SUCO: variants seen among roughly 807,000 people sequenced by gnomAD.
SUCO encodes SUN domain-containing ossification factor.
Under a neutral mutation model 148.1 loss-of-function variants are expected in SUCO, and 57 were observed. That is an observed-to-expected ratio of 0.38 (90% confidence interval 0.31 to 0.48). The LOEUF is 0.48. Among genes scored for constraint, SUCO ranks in the 20% least tolerant of loss-of-function variants. SUCO has a pLI of 0.96. For synonymous variants in SUCO, 470 were observed against 502.7 expected (o/e 0.93, Z 0.87); for missense variants, 1,331 against 1,468.2 (o/e 0.91, Z 1.53).
At chr1:172,532,460 T>C (rs1251798146), upstream of SUCO, 1 of 1,597,504 alleles carries the variant, frequency 6.3e-7, no homozygotes, top group Non-Finnish European at 8.5e-7. Flanking sequence ...GGTTTTCCGC[T>C]GCAACCAATC....
At chr1:172,601,558 G>C (rs1177380188) in intron 20 of SUCO, among the ~76,000 whole-genome samples, 1 of 152,032 alleles carries the variant, frequency 6.6e-6, no homozygotes, top group Non-Finnish European at 1.5e-5. Context: ...CTTAGAGTAG[G>C]ATTCTAAAAG....
chr1:172,575,606 T>C lies in SUCO; in HGVS notation c.1246T>C (p.Tyr416His), dbSNP rs908860220. ...VQSFPLDEQM[Y>H]AKYVKMFIKY... The stretch of plus-strand genomic sequence containing the variant: ...GAGTTTCCCTTTAGATGAACAGATG[T>C]ATGCAAAATATGTCAAGGTAATGTT... Residue 416 changes from tyrosine to histidine, a missense_variant, in exon 11 of 24, where the codon TAT becomes CAT. Transcript: ENST00000263688. The C allele has an allele frequency of 1.2e-6, 2 of 1,607,640 alleles. No individual in the cohort carries two copies. Among genetic ancestry groups the C allele is most frequent in the Non-Finnish European group, 1.7e-6 (2 of 1,174,762 alleles).
intron 4 of SUCO, 25 bp downstream of exon 4, chr1:172,556,048 C>T (rs1390639096): frequency 1.3e-6 from 2 of 1,568,430 alleles, no homozygotes; most frequent in Admixed American, 1.8e-5. Flanking sequence ...AAAACAAACA[C>T]AAAAAAGAAT....
At chr1:172,565,079 G>C (rs1387305902) in intron 6 of SUCO, among the ~76,000 whole-genome samples, 1 of 152,102 alleles carries the variant, frequency 6.6e-6, no homozygotes, top group African/African-American at 2.4e-5. Context: ...GTTCTGTTCT[G>C]TTCTGTTCTG....
At chr1:172,581,315 G>T (rs1421733139) in intron 15 of SUCO, among the ~76,000 whole-genome samples, 3 of 152,026 alleles carry the variant, frequency 2.0e-5, no homozygotes, top group Non-Finnish European at 4.4e-5. Flanking sequence ...AGTGTTCTAG[G>T]TATTGAAAGA....
intron 22 of SUCO, among the ~76,000 whole-genome samples, chr1:172,604,416 G>T (rs1657727625): frequency 6.6e-6 from 1 of 151,788 alleles, no homozygotes; most frequent in African/African-American, 2.4e-5. Context: ...TGTTTGATAA[G>T]TTCTTGTTGT....
intron 10 of SUCO, chr1:172,574,819 C>T (rs1571238889): frequency 2.3e-6 from 2 of 886,108 alleles, no homozygotes; most frequent in Non-Finnish European, 2.7e-6. Flanking sequence ...CCACCTCACA[C>T]TCAGCACTGC....
chr1:172,591,255 G>A (rs1234204307), intron 19 of SUCO, among the ~76,000 whole-genome samples, 184 bp downstream of exon 19: 1 of 151,922 alleles, frequency 6.6e-6, no homozygotes, highest in Non-Finnish European at 1.5e-5. Flanking sequence ...ATTATCTTCT[G>A]TAGAGAAAGA....
chr1:172,557,216 T>A (rs1653815170), intron 4 of SUCO, 64 bp from the exon 5 acceptor site: 2 of 1,550,602 alleles, frequency 1.3e-6, no homozygotes, highest in African/African-American at 2.8e-5. Context: ...CTAATAGTGT[T>A]TTTAATGTAT....
In SUCO at chr1:172,555,897, C is replaced by G; in HGVS notation, c.317C>G (p.Pro106Arg). Residue 106 changes from proline (P) to arginine (R), a missense_variant, in exon 4 of 24, where the codon CCG (proline) becomes CGG (arginine). Pro to Arg is a moderately radical substitution (Grantham distance 103). Transcript: ENST00000263688. ...ACAGAGTCAAAAAAGTTAAGTCCAC[C>G]GGTGGTGGAGACACTCCCTACAGTT... Reference protein sequence around the residue: ...QNTESKKLSPPVVETLPTVDL... With the variant: ...QNTESKKLSPRVVETLPTVDL... 1 of 1,611,114 alleles carries G rather than the reference C, an allele frequency of 6.2e-7. No homozygotes were observed. Among genetic ancestry groups the G allele is most frequent in the Non-Finnish European group, 8.5e-7 (1 of 1,178,292 alleles).
At chr1:172,593,396 A>G (rs913191117) in intron 19 of SUCO, among the ~76,000 whole-genome samples, 3 of 152,202 alleles carry the variant, frequency 2.0e-5, no homozygotes, top group African/African-American at 7.2e-5. Flanking sequence ...ATTCAGTATG[A>G]TATTGGCTGT....
chr1:172,594,932 C>T (rs895737212), intron 19 of SUCO, among the ~76,000 whole-genome samples: 1 of 152,094 alleles, frequency 6.6e-6, no homozygotes, highest in Non-Finnish European at 1.5e-5. Flanking sequence ...CATTGTAGGT[C>T]TCTAAGGACT....
rs755485969 is a variant in SUCO at position 172,609,912 on chromosome 1, C to G, written c.3418C>G (p.Pro1140Ala). The G allele has an allele frequency of 1.9e-6, 3 of 1,613,888 alleles. No individual in the cohort carries two copies. The South Asian group carries it at 3.3e-5, about 18-fold the overall frequency. Residue 1140 changes from proline (P) to alanine (A), a missense_variant, in exon 24 of 24, where the codon CCC becomes GCC. By Grantham distance (27) the Pro-to-Ala change is conservative (BLOSUM62 -1). Coordinates refer to ENST00000263688, the MANE Select transcript of SUCO (RefSeq NM_014283.5). ...IANGDIKGRK[P>A]FTNQRDFSNM... ...CAATGGCGACATAAAAGGAAGAAAG[C>G]CCTTTACGAACCAGAGAGATTTTTC...
chr1:172,582,124 G>A (rs545321381), intron 15 of SUCO, among the ~76,000 whole-genome samples: 3 of 152,236 alleles, frequency 2.0e-5, no homozygotes, highest in African/African-American at 7.2e-5. Context: ...GTCTGCCTTT[G>A]CTCTTAAATA....
At chr1:172,566,457 C>T (rs1212254127) in intron 6 of SUCO, among the ~76,000 whole-genome samples, 3 of 152,186 alleles carry the variant, frequency 2.0e-5, no homozygotes, top group African/African-American at 4.8e-5. Flanking sequence ...ACAGGGAAGC[C>T]CCCAAATTGG....
chr1:172,585,968 TA>T lies in SUCO; in HGVS notation c.1658+23del, dbSNP rs1219672238. On this transcript the variant is annotated intron_variant, in intron 17 of 23. Coordinates refer to ENST00000263688, the MANE Select transcript of SUCO (RefSeq NM_014283.5). Reference sequence around the variant, plus strand: ...TCCTGAGTAAGTTATAATGTGATATTAAATAGAATTTTGTTACAATGGAGAG... The same window carrying T: ...TCCTGAGTAAGTTATAATGTGATATTAATAGAATTTTGTTACAATGGAGAG... 1 of 1,489,334 alleles carries T rather than the reference TA, an allele frequency of 6.7e-7. No individual in the cohort carries two copies. The highest frequency in any genetic ancestry group is 9.2e-7 in the Non-Finnish European group (1 of 1,089,418). 92.3% of individuals were successfully genotyped at this position (1,489,334 alleles called of 1,614,324 possible).
intron 6 of SUCO, among the ~76,000 whole-genome samples, chr1:172,560,651 G>A (rs1179392053): frequency 6.6e-6 from 1 of 152,140 alleles, no homozygotes; most frequent in East Asian, 1.9e-4. Flanking sequence ...ATTTACTTCT[G>A]GTGTTACTAT....
chr1:172,577,482 G>A, intron 11 of SUCO, 57 bp from the exon 12 acceptor site: 1 of 1,519,468 alleles, frequency 6.6e-7, no homozygotes, highest in Non-Finnish European at 9.0e-7. Flanking sequence ...GATGCTTATT[G>A]CATGATGTCT....
chr1:172,534,966 T>A (rs12729948), intron 1 of SUCO, among the ~76,000 whole-genome samples: 30,546 of 152,198 alleles, frequency 0.2, 3,359 homozygotes, highest in South Asian at 0.27. Context: ...TGGCTTTTTT[T>A]AATTTTTTAA....
Sources: gnomAD v4.1 joint callset for allele counts (sites outside exome capture counted in the v4.1 genomes callset) on GRCh38, gnomAD v4.1.1 for gene constraint, MANE v1.5 for transcripts, NCBI Gene and HGNC (gene_info 2026-07-23, HGNC 2026-07-21) for gene names.